Variants in SLC15A5 observed in about 807,000 individuals in gnomAD.
The protein encoded by SLC15A5 is solute carrier family 15 member 5, also known as Peptide/histidine transporter ENSP00000340402.
Under a neutral mutation model 56.1 loss-of-function variants are expected in SLC15A5, and 58 were observed. The ratio of observed to expected loss-of-function variants is 1.03; its 90% CI spans 0.84 to 1.29. SLC15A5 has a LOEUF of 1.29. Among genes scored for constraint, SLC15A5 ranks in the 50% most tolerant of loss-of-function variants. The pLI is 0.00. For synonymous variants in SLC15A5, 264 were observed against 250.5 expected (o/e 1.05, Z -0.51); for missense variants, 681 against 672.1 (o/e 1.01, Z -0.15).
chr12:16,276,602 A>G (rs1799496), intron 1 of SLC15A5, among the ~76,000 whole-genome samples: 41,449 of 151,648 alleles, frequency 0.27, 6,870 homozygotes, highest in African/African-American at 0.46. Flanking sequence ...TGTTTTCATG[A>G]TATTTTCAGA....
At chr12:16,213,890 A>T (rs921386662) in intron 7 of SLC15A5, among the ~76,000 whole-genome samples, 2 of 152,152 alleles carry the variant, frequency 1.3e-5, no homozygotes, top group Non-Finnish European at 2.9e-5. Flanking sequence ...CTACCTTTGT[A>T]CTGTATCTAG....
At chr12:16,213,804 T>C (rs1369224128) in intron 7 of SLC15A5, among the ~76,000 whole-genome samples, 1 of 152,196 alleles carries the variant, frequency 6.6e-6, no homozygotes, top group Non-Finnish European at 1.5e-5. Context: ...TGCTAAGATG[T>C]CCTCACCATG....
chr12:16,212,514 A>G (rs531585749), intron 7 of SLC15A5, among the ~76,000 whole-genome samples: 2 of 15,164 alleles, frequency 1.3e-4, no homozygotes, highest in South Asian at 9.2e-3. Flanking sequence ...GACTTATCCT[A>G]TTTCCAGAAA....
At chr12:16,250,723 C>T (rs1056474168) in intron 3 of SLC15A5, among the ~76,000 whole-genome samples, 1 of 151,734 alleles carries the variant, frequency 6.6e-6, no homozygotes, top group African/African-American at 2.4e-5. Context: ...GATATTCTAA[C>T]ATAATTTATG....
intron 6 of SLC15A5, among the ~76,000 whole-genome samples, chr12:16,223,199 G>T (rs1864205499): frequency 6.6e-6 from 1 of 152,074 alleles, no homozygotes; most frequent in Non-Finnish European, 1.5e-5. Context: ...TAGAATCATT[G>T]AAGATTGTAG....
chr12:16,246,754 C>T (rs969705898), intron 3 of SLC15A5, among the ~76,000 whole-genome samples: 4 of 151,922 alleles, frequency 2.6e-5, no homozygotes, highest in African/African-American at 9.7e-5. Flanking sequence ...TTTGTATAAA[C>T]AATCACTATT....
At position 16,189,638 on chromosome 12, in the gene SLC15A5, C is replaced by G. The variant is rs528424542; in HGVS notation, c.*30G>C. 2 of 1,430,074 alleles carry G rather than the reference C, an allele frequency of 1.4e-6. No homozygotes were observed. The highest frequency in any genetic ancestry group is 5.4e-5 in the Admixed American group (2 of 36,792). The allele number at this position is 1,430,074 out of a possible 1,614,324, so 88.6% of individuals were successfully genotyped here. On this transcript the variant is annotated 3_prime_UTR_variant, in exon 9 of 9. Coordinates refer to ENST00000344941, the MANE Select transcript of SLC15A5 (RefSeq NM_001170798.1). ...GAAGAAGAAAACAATGAATACTGTT[C>G]TCATAAGACAGGTAGACTCAAACAC...
At position 16,243,847 on chromosome 12, in the gene SLC15A5, T is replaced by G. The variant is rs967975968; in HGVS notation, c.975+733A>C. Among the ~76,000 whole-genome samples the G allele has an allele frequency of 2.6e-5, 4 of 152,248 alleles. No homozygotes were observed. Among genetic ancestry groups the G allele is most frequent in the Non-Finnish European group, 5.9e-5 (4 of 68,050 alleles). On this transcript the variant is annotated intron_variant, in intron 4 of 8. Coordinates refer to ENST00000344941, the MANE Select transcript of SLC15A5 (RefSeq NM_001170798.1). This position sits in a 1 kb window ranked among gnomAD's most constrained non-coding sequence, Gnocchi z 4.4. Reference sequence around the variant, plus strand: ...TAATCTCTAAATTTTGTTGCAGCTCTATTATTCTATGATTTCTAAATGTAA... The same window carrying G: ...TAATCTCTAAATTTTGTTGCAGCTCGATTATTCTATGATTTCTAAATGTAA...
At chr12:16,209,090 A>G (rs1449609736) in intron 7 of SLC15A5, among the ~76,000 whole-genome samples, 1 of 151,076 alleles carries the variant, frequency 6.6e-6, no homozygotes, top group Non-Finnish European at 1.5e-5. Context: ...CACCACTGAA[A>G]TGACTCTTAT....
At chr12:16,275,429 A>G (rs1451277358) in intron 1 of SLC15A5, among the ~76,000 whole-genome samples, 1 of 152,048 alleles carries the variant, frequency 6.6e-6, no homozygotes, top group African/African-American at 2.4e-5. Context: ...TTTTTAGATA[A>G]TAGAAGCAAT....
rs1864432563 is a variant in SLC15A5 at position 16,243,530 on chromosome 12, T to G, written c.975+1050A>C. On this transcript the variant is annotated intron_variant, in intron 4 of 8. Transcript: ENST00000344941. The surrounding 1 kb of genome is among the most constrained non-coding windows in gnomAD (Gnocchi z 4.4). ...GGCTAAATTTTATATAATTTTCATGTGCTAGAAAATACTATTCTTTTTTTA... is the reference window on the plus strand; with the variant it reads ...GGCTAAATTTTATATAATTTTCATGGGCTAGAAAATACTATTCTTTTTTTA... Among the ~76,000 whole-genome samples, 2 of 152,198 alleles carry G rather than the reference T, an allele frequency of 1.3e-5. No homozygotes were observed. Among genetic ancestry groups the G allele is most frequent in the African/African-American group, 2.4e-5 (1 of 41,448 alleles).
At chr12:16,214,525 G>T (rs1864111773) in intron 7 of SLC15A5, among the ~76,000 whole-genome samples, 1 of 152,184 alleles carries the variant, frequency 6.6e-6, no homozygotes, top group African/African-American at 2.4e-5. Context: ...CTGGGGAGCA[G>T]AAGGAGGGTG....
chr12:16,258,470 A>G (rs538083140), intron 2 of SLC15A5, among the ~76,000 whole-genome samples: 2 of 152,252 alleles, frequency 1.3e-5, no homozygotes, highest in South Asian at 4.1e-4. Flanking sequence ...AGTTCTGGGA[A>G]AATCATCTCT....
chr12:16,238,443 C>G (rs1326984470), intron 5 of SLC15A5, among the ~76,000 whole-genome samples: 2 of 151,682 alleles, frequency 1.3e-5, no homozygotes, highest in Non-Finnish European at 2.9e-5. Context: ...CTGGCTTACA[C>G]AGTGAAACCC....
In SLC15A5 at chr12:16,224,410, T is replaced by A; in HGVS notation, c.1351+4A>T. 2 of 1,536,860 alleles carry A rather than the reference T, an allele frequency of 1.3e-6. No individual in the cohort carries two copies. The highest frequency in any genetic ancestry group is 1.7e-6 in the Non-Finnish European group (2 of 1,146,636). The stretch of plus-strand genomic sequence containing the variant: ...TAACATTAGTTGAAAAGGTGTTTAC[T>A]CACGGGCTGGGTTTACCAGTGTTTC... On this transcript the variant is annotated splice_donor_region_variant and intron_variant, in intron 6 of 8. Transcript: ENST00000344941.
chr12:16,240,132 AATG>A (rs751229188), intron 4 of SLC15A5, among the ~76,000 whole-genome samples: 12 of 152,214 alleles, frequency 7.9e-5, no homozygotes, highest in Non-Finnish European at 1.6e-4. Flanking sequence ...TATGAAAAGT[AATG>A]ATGGCCCCAA....
intron 5 of SLC15A5, among the ~76,000 whole-genome samples, chr12:16,230,729 C>T (rs7305586): frequency 0.54 from 79,193 of 145,932 alleles, 21,597 homozygotes; most frequent in South Asian, 0.74. Context: ...CTGGCTAACA[C>T]GGTGAAACCC....
intron 3 of SLC15A5, 95 bp downstream of exon 3, chr12:16,257,606 A>G: frequency 9.8e-7 from 1 of 1,016,942 alleles, no homozygotes; most frequent in Non-Finnish European, 1.3e-6. Context: ...TCAAATTCTG[A>G]GTTGAAAGAG....
chr12:16,212,685 C>A (rs1488245167), intron 7 of SLC15A5, among the ~76,000 whole-genome samples: 1 of 152,086 alleles, frequency 6.6e-6, no homozygotes, highest in East Asian at 1.9e-4. Context: ...CTGTAAGACT[C>A]TTTTTTGGTC....
Sources: gnomAD v4.1 joint callset for allele counts (sites outside exome capture counted in the v4.1 genomes callset) on GRCh38, gnomAD v4.1.1 for gene constraint, Gnocchi (gnomAD v3.1) non-coding constraint, MANE v1.5 for transcripts, NCBI Gene and HGNC (gene_info 2026-07-23, HGNC 2026-07-21) for gene names.